Variants in TOPBP1 observed in about 807,000 individuals in gnomAD.
The protein encoded by TOPBP1 is DNA topoisomerase II binding protein 1.
TOPBP1 carries 28 observed loss-of-function variants against 167.7 expected under a neutral mutation model. The observed-to-expected ratio is 0.17, with a 90% CI of 0.12 to 0.23. TOPBP1 has a LOEUF of 0.23. Ranked by LOEUF, TOPBP1 falls within the 10% of genes least tolerant of loss-of-function variation. The probability of loss-of-function intolerance (pLI) is 1.00; values close to 1 mark genes in which losing one functional copy is unlikely to be tolerated. For missense variants in TOPBP1, 1,554 were observed against 1,809.6 expected, an observed-to-expected ratio of 0.86 and a Z score of 2.56; for synonymous variants, 598 against 611.4, an observed-to-expected ratio of 0.98 and a Z score of 0.32.
intron 14 of TOPBP1, among the ~76,000 whole-genome samples, chr3:133,635,416 CTAAT>C (rs1010450513): frequency 3.2e-4 from 49 of 151,126 alleles, no homozygotes; most frequent in African/African-American, 1.1e-3. Flanking sequence ...CCAAGCCCAG[CTAAT>C]TAAAAAAAAA....
At chr3:133,606,020 C>G (rs1032825420) in intron 27 of TOPBP1, among the ~76,000 whole-genome samples, 2 of 151,732 alleles carry the variant, frequency 1.3e-5, no homozygotes, top group Admixed American at 6.6e-5. Flanking sequence ...TATCTCTACC[C>G]CTTCCCCTTG....
chr3:133,617,389 A>C, intron 21 of TOPBP1, 63 bp from the exon 22 acceptor site: 1 of 1,448,260 alleles, frequency 6.9e-7, no homozygotes, highest in Non-Finnish European at 9.1e-7. Flanking sequence ...AAATTCTAGG[A>C]AATATTCTCA....
intron 24 of TOPBP1, among the ~76,000 whole-genome samples, chr3:133,611,881 TG>T (rs1033032982): frequency 6.6e-6 from 1 of 152,076 alleles, no homozygotes; most frequent in African/African-American, 2.4e-5. Flanking sequence ...GGACTACAGA[TG>T]GGAACCACCA....
At chr3:133,608,754 T>G (rs1380103868) in intron 26 of TOPBP1, 58 bp from the exon 27 acceptor site, 1 of 1,593,050 alleles carries the variant, frequency 6.3e-7, no homozygotes, top group Non-Finnish European at 8.6e-7. Flanking sequence ...AGTTCAGCTG[T>G]ATAATGTGTA....
At chr3:133,645,874 C>T (rs955410485) in intron 10 of TOPBP1, among the ~76,000 whole-genome samples, 4 of 152,264 alleles carry the variant, frequency 2.6e-5, no homozygotes, top group African/African-American at 9.6e-5. Context: ...TAGGGCCGGG[C>T]GCGGTGGCTC....
chr3:133,620,294 T>A lies in TOPBP1; in HGVS notation c.3232A>T (p.Ile1078Leu), dbSNP rs759610651. 2 of 1,613,860 alleles carry A rather than the reference T, an allele frequency of 1.2e-6. No individual in the cohort carries two copies. Among genetic ancestry groups the A allele is most frequent in the East Asian group, 4.5e-5 (2 of 44,882 alleles). Residue 1078 changes from isoleucine (I) to leucine (L), a missense_variant, in exon 20 of 28, where the codon ATA (isoleucine) becomes TTA (leucine). By Grantham distance (5) the Ile-to-Leu change is conservative (BLOSUM62 2). This residue lies in a region of TOPBP1 where 1,197 missense variants were observed against 1,351.5 expected (regional missense o/e 0.89). Coordinates refer to ENST00000260810, the MANE Select transcript of TOPBP1 (RefSeq NM_007027.4). ...RENFQKQLQE[I>L]MSATSIVKPQ... ...TTCACTATTGATGTTGCAGACATTA[T>A]CTCCTGTAACTGCTTCTGAAAGTTC... is the stretch of plus-strand genomic sequence containing the variant.
At chr3:133,616,046 G>C (rs1934860977) in intron 23 of TOPBP1, among the ~76,000 whole-genome samples, 1 of 152,054 alleles carries the variant, frequency 6.6e-6, no homozygotes. Flanking sequence ...GTCAGGTGGA[G>C]AGCCTGACAA....
At chr3:133,635,307 G>A (rs1231192670) in intron 14 of TOPBP1, among the ~76,000 whole-genome samples, 2 of 152,154 alleles carry the variant, frequency 1.3e-5, no homozygotes, top group Non-Finnish European at 2.9e-5. Flanking sequence ...AGGCTGGAGT[G>A]CAGTGGTAGG....
intron 20 of TOPBP1, among the ~76,000 whole-genome samples, chr3:133,619,672 TTGAATACTAATAC>T (rs1207204345): frequency 6.6e-6 from 1 of 152,260 alleles, no homozygotes; most frequent in Non-Finnish European, 1.5e-5. Flanking sequence ...ACAAATACTA[TTGAATACTAATAC>T]TAAAGAGCAG....
At chr3:133,651,658 TTCATATACTAAAAAACTAAATAACCCAA>T (rs1440966494) in intron 8 of TOPBP1, among the ~76,000 whole-genome samples, 3 of 152,186 alleles carry the variant, frequency 2.0e-5, no homozygotes, top group Non-Finnish European at 2.9e-5. Flanking sequence ...AAGACAGTTA[TTCATATACTAAAAAACTAAATAACCCAA>T]GAAATACCAA....
intron 19 of TOPBP1, 138 bp from the exon 20 acceptor site, chr3:133,620,485 T>A: frequency 2.4e-6 from 2 of 836,650 alleles, no homozygotes; most frequent in South Asian, 1.8e-5. Context: ...CAGGCTATAG[T>A]AATGTACTAA....
chr3:133,649,512 C>G lies in TOPBP1; in HGVS notation c.1375G>C (p.Glu459Gln), dbSNP rs770526690. The G allele has an allele frequency of 1.2e-6, 2 of 1,613,900 alleles. No individual in the cohort carries two copies. The highest frequency in any genetic ancestry group is 2.2e-5 in the South Asian group (2 of 91,074). The change falls in exon 10 of 28, where the codon GAA becomes CAA. Residue 459 changes from glutamate (E) to glutamine (Q), a missense_variant. Glu to Gln is a conservative substitution (Grantham distance 29). Coordinates refer to ENST00000260810, the MANE Select transcript of TOPBP1 (RefSeq NM_007027.4). ...TTTTTTAAAAGAGCTGCTTTACTTT[C>G]AGGCTTATGTGAAACTGGAATTTCC... Reference protein sequence around the residue: ...PVEIPVSHKPESKAALLKKKN... With the variant: ...PVEIPVSHKPQSKAALLKKKN...
intron 16 of TOPBP1, among the ~76,000 whole-genome samples, chr3:133,624,532 C>T (rs62282418): frequency 0.14 from 21,881 of 152,204 alleles, 1,894 homozygotes; most frequent in Non-Finnish European, 0.2. Flanking sequence ...AAATTTTATG[C>T]ATATATCTGT....
At chr3:133,640,250 G>T in intron 12 of TOPBP1, 80 bp from the exon 13 acceptor site, 1 of 1,218,728 alleles carries the variant, frequency 8.2e-7, no homozygotes, top group Non-Finnish European at 1.2e-6. Context: ...CAACACAACA[G>T]TGTGGTTAGA....
chr3:133,654,766 T>C (rs1055082964), intron 6 of TOPBP1, among the ~76,000 whole-genome samples: 3 of 152,242 alleles, frequency 2.0e-5, no homozygotes, highest in Non-Finnish European at 4.4e-5. Context: ...TTTCATTTTT[T>C]ACTGCCTCAT....
At position 133,644,013 on chromosome 3, in the gene TOPBP1, G is replaced by C. The variant is rs752060789; in HGVS notation, c.1848+7C>G. 2.5e-6 allele frequency: 4 copies of C among 1,585,634 alleles called. No individual in the cohort carries two copies. On this transcript the variant is annotated splice_region_variant and intron_variant, in intron 11 of 27. Coordinates refer to ENST00000260810, the MANE Select transcript of TOPBP1 (RefSeq NM_007027.4). ...ATACTTTATTTCAACCACTAGTGTT[G>C]TCTTACCAGCCATGTATTTGTAACA...
chr3:133,638,245 T>C, intron 13 of TOPBP1, 83 bp from the exon 14 acceptor site: 3 of 1,325,478 alleles, frequency 2.3e-6, no homozygotes, highest in Middle Eastern at 2.3e-4. Flanking sequence ...TATTTTATAC[T>C]GTTTTCTTTC....
rs1936371199 is a variant in TOPBP1, at chr3:133,653,516, A to C, written c.751T>G (p.Tyr251Asp). 1.3e-6 allele frequency: 2 copies of C among 1,569,016 alleles called. No homozygotes were observed. The highest frequency in any genetic ancestry group is 1.7e-6 in the Non-Finnish European group (2 of 1,162,950). ...LIVQEPKGQKYECAKRWNVHC... is the reference protein window; with the variant it reads ...LIVQEPKGQKDECAKRWNVHC... The stretch of plus-strand genomic sequence containing the variant: ...ACATTCCATCTCTTGGCACACTCAT[A>C]CTTCTGACCTGTGGCGTTCATTAAG... Residue 251 changes from tyrosine (Y) to aspartate (D), a missense_variant, in exon 7 of 28, where the codon TAT (tyrosine) becomes GAT (aspartate). Physicochemically the swap from Tyr to Asp is radical, Grantham distance 160. Around this residue, in one of 3 missense-constraint regions of TOPBP1, gnomAD observed 1,197 missense variants for 1,351.5 expected, o/e 0.89. Transcript: ENST00000260810.
chr3:133,639,242 A>G (rs1202537599), intron 13 of TOPBP1, among the ~76,000 whole-genome samples: 1 of 152,238 alleles, frequency 6.6e-6, no homozygotes. Context: ...CTGGATTAAG[A>G]AAATGTGGCA....
Sources: gnomAD v4.1 joint callset for allele counts (sites outside exome capture counted in the v4.1 genomes callset) on GRCh38, gnomAD v4.1.1 for gene constraint, gnomAD v4.1.1 regional missense constraint, MANE v1.5 for transcripts, NCBI Gene and HGNC (gene_info 2026-07-23, HGNC 2026-07-21) for gene names.